The following ENOPH1 variants were observed in gnomAD, a reference collection of about 807,000 sequenced individuals.
The protein encoded by ENOPH1 is enolase-phosphatase E1.
Under a neutral mutation model 31.1 loss-of-function variants are expected in ENOPH1, and 14 were observed. That is an observed-to-expected ratio of 0.45 (90% CI 0.30 to 0.70). The LOEUF (loss-of-function observed/expected upper bound fraction) is 0.70. Ranked by LOEUF, ENOPH1 falls within the 30% of genes least tolerant of loss-of-function variation. ENOPH1 has a pLI of 0.09. For missense variants in ENOPH1, 243 were observed against 321.5 expected (o/e 0.76, Z 1.87); for synonymous variants, 127 against 123.2 (o/e 1.03, Z -0.21).
At chr4:82,457,092 A>C in intron 5 of ENOPH1, 54 bp downstream of exon 5, 1 of 1,503,488 alleles carries the variant, frequency 6.7e-7, no homozygotes, top group Non-Finnish European at 9.0e-7. Context: ...TGAGCCTGGC[A>C]CTACAAATAC....
chr4:82,442,853 C>T (rs1016144501), intron 1 of ENOPH1, among the ~76,000 whole-genome samples: 1 of 152,198 alleles, frequency 6.6e-6, no homozygotes, highest in Admixed American at 6.5e-5. Context: ...GAGACAGAGT[C>T]CTGCTCTATC....
intron 5 of ENOPH1, among the ~76,000 whole-genome samples, chr4:82,457,654 A>G (rs1722526226): frequency 6.6e-6 from 1 of 152,234 alleles, no homozygotes; most frequent in Non-Finnish European, 1.5e-5. Context: ...GGAAATTAAC[A>G]GGAAGACTTA....
At chr4:82,459,227 G>A (rs923215999) in intron 5 of ENOPH1, among the ~76,000 whole-genome samples, 1 of 152,128 alleles carries the variant, frequency 6.6e-6, no homozygotes, top group African/African-American at 2.4e-5. Context: ...TTTAGGGTCT[G>A]GAGGTAAGAG....
chr4:82,438,948 A>G (rs1040712302), intron 1 of ENOPH1, among the ~76,000 whole-genome samples: 1 of 152,078 alleles, frequency 6.6e-6, no homozygotes, highest in African/African-American at 2.4e-5. Flanking sequence ...AACTCATTTG[A>G]TTTTCAAAAC....
chr4:82,451,357 C>A, intron 3 of ENOPH1, 112 bp downstream of exon 3: 2 of 1,040,280 alleles, frequency 1.9e-6, no homozygotes, highest in Non-Finnish European at 2.8e-6. Flanking sequence ...AGATAAAAAT[C>A]CACACTCTTT....
chr4:82,459,333 C>G (rs1421832136), intron 5 of ENOPH1, among the ~76,000 whole-genome samples: 1 of 152,142 alleles, frequency 6.6e-6, no homozygotes, highest in African/African-American at 2.4e-5. Flanking sequence ...CTCTGTCACC[C>G]AGGCTGGAGT....
At position 82,451,098 on chromosome 4, in the gene ENOPH1, A is replaced by G. The variant is rs775160222; in HGVS notation, c.242A>G (p.Asn81Ser). 5 of 1,614,228 alleles carry G rather than the reference A, an allele frequency of 3.1e-6. No individual in the cohort carries two copies. Among genetic ancestry groups the G allele is most frequent in the Non-Finnish European group, 3.4e-6 (4 of 1,180,036 alleles). Residue 81 changes from asparagine to serine, a missense_variant, in exon 3 of 6, where the codon AAT becomes AGT. Coordinates refer to ENST00000273920, the MANE Select transcript of ENOPH1 (RefSeq NM_021204.5). ...GTTCCTATCCCTGCAGCATCTGGGA[A>G]TGGAGTGGATGATCTGCAACAGATG... is the stretch of plus-strand genomic sequence containing the variant. ...GAVPIPAASG[N>S]GVDDLQQMIQ...
At chr4:82,441,391 G>C (rs947483394) in intron 1 of ENOPH1, among the ~76,000 whole-genome samples, 4 of 152,160 alleles carry the variant, frequency 2.6e-5, no homozygotes, top group African/African-American at 9.7e-5. Context: ...GGGAGGCCAA[G>C]GTGGGCAGAT....
chr4:82,457,286 G>C (rs1180814226), intron 5 of ENOPH1, among the ~76,000 whole-genome samples: 1 of 152,024 alleles, frequency 6.6e-6, no homozygotes, highest in Non-Finnish European at 1.5e-5. Context: ...TCAGGCAGGA[G>C]GATTGCTTGA....
intron 1 of ENOPH1, among the ~76,000 whole-genome samples, chr4:82,444,963 A>C (rs1326666918): frequency 6.6e-6 from 1 of 152,326 alleles, no homozygotes; most frequent in East Asian, 1.9e-4. Flanking sequence ...TATGCCTGTA[A>C]TCCCAGCACT....
chr4:82,459,248 GGGCTGATTAAACCATA>G (rs1405064887), intron 5 of ENOPH1, among the ~76,000 whole-genome samples: 6 of 152,010 alleles, frequency 3.9e-5, no homozygotes, highest in Admixed American at 3.3e-4. Context: ...CAGATATCTT[GGGCTGATTAAACCATA>G]GGATTCCATT....
chr4:82,459,912 CTT>C lies in ENOPH1; in HGVS notation c.647-67_647-66del, dbSNP rs1722601345. ...TTCCATCCCCACATCCCCCTGCTGA[CTT>C]TGCTGCAAATCTCAGACATCATTTT... On this transcript the variant is annotated intron_variant, in intron 5 of 5. Transcript: ENST00000273920. The C allele has an allele frequency of 5.1e-6, 8 of 1,573,376 alleles. No homozygotes were observed. The South Asian group carries it at 9.0e-5, about 18-fold the overall frequency.
intron 5 of ENOPH1, among the ~76,000 whole-genome samples, chr4:82,459,505 C>T (rs1722584629): frequency 6.6e-6 from 1 of 152,158 alleles, no homozygotes; most frequent in Non-Finnish European, 1.5e-5. Context: ...GTTGCCCAGG[C>T]TGGTCTCGAA....
rs111337035 is a variant in ENOPH1, at chr4:82,441,777, A to C, written c.85-6143A>C. Among the ~76,000 whole-genome samples the C allele has an allele frequency of 7.2e-3, 1,074 of 149,798 alleles. 10 individuals carry two copies. Among genetic ancestry groups the C allele is most frequent in the South Asian group, 0.017 (82 of 4,730 alleles). ...CAACATAGTGAGACTGTCTCTACAA[A>C]AACAACAACAACAACAACAAAAATA... On this transcript the variant is annotated intron_variant, in intron 1 of 5. Coordinates refer to ENST00000273920, the MANE Select transcript of ENOPH1 (RefSeq NM_021204.5).
intron 4 of ENOPH1, 144 bp from the exon 5 acceptor site, chr4:82,456,771 G>A (rs1722500817): frequency 1.1e-6 from 1 of 910,996 alleles, no homozygotes; most frequent in African/African-American, 1.7e-5. Flanking sequence ...ACTTTGTATA[G>A]CCTCCATAAA....
At chr4:82,457,177 A>T in intron 5 of ENOPH1, 139 bp downstream of exon 5, 1 of 830,844 alleles carries the variant, frequency 1.2e-6, no homozygotes, top group Non-Finnish European at 1.7e-6. Context: ...ATAAAGAAAC[A>T]GTGTCTGGTT....
At chr4:82,457,553 T>G (rs534782941) in intron 5 of ENOPH1, among the ~76,000 whole-genome samples, 7 of 152,104 alleles carry the variant, frequency 4.6e-5, no homozygotes, top group Non-Finnish European at 8.8e-5. Context: ...TGTGGGGAAG[T>G]GGCATTGAAA....
intron 5 of ENOPH1, 35 bp downstream of exon 5, chr4:82,457,073 G>C (rs773462857): frequency 1.3e-6 from 2 of 1,596,058 alleles, no homozygotes; most frequent in Non-Finnish European, 1.7e-6. Flanking sequence ...TATACTCCAG[G>C]ATATGAACTG....
chr4:82,454,947 T>C, intron 4 of ENOPH1, 93 bp downstream of exon 4: 1 of 1,002,410 alleles, frequency 1.0e-6, no homozygotes, highest in Non-Finnish European at 1.4e-6. Flanking sequence ...ATAGAATGCT[T>C]TTTTTTTTTT....
Sources: allele counts gnomAD v4.1 joint callset (sites outside exome capture counted in the v4.1 genomes callset), GRCh38; gene constraint gnomAD v4.1.1; transcripts MANE v1.5; gene names NCBI Gene and HGNC (gene_info 2026-07-23, HGNC 2026-07-21).